The following LIMS2 variants were observed in gnomAD, a reference collection of about 807,000 sequenced individuals.
LIMS2 encodes LIM and senescent cell antigen-like-containing domain protein 2.
LIMS2 carries 30 observed loss-of-function variants against 45.3 expected under a neutral mutation model. The ratio of observed to expected loss-of-function variants is 0.66; its 90% CI spans 0.50 to 0.90. LIMS2 has a LOEUF of 0.90. LIMS2 is among the 40% of genes least tolerant of loss of function. LIMS2 has a pLI of 0.00. For missense variants in LIMS2, 485 were observed against 468.7 expected (o/e 1.03, Z -0.32); for synonymous variants, 173 against 188.0 (o/e 0.92, Z 0.65).
chr2:127,644,138 C>T (rs961033993), intron 4 of LIMS2: 2 of 456,086 alleles, frequency 4.4e-6, no homozygotes, highest in Non-Finnish European at 8.8e-6. Flanking sequence ...GGTGTCTCAT[C>T]ATCAGCTGTG....
intron 4 of LIMS2, chr2:127,645,876 GT>G (rs1278601094): frequency 2.6e-5 from 4 of 152,318 alleles, no homozygotes; most frequent in African/African-American, 9.7e-5. Flanking sequence ...ACGTCCTGTT[GT>G]GTCCCTCAGC....
Position 127,639,224 on chromosome 2 carries a change from T to C in LIMS2, c.*57A>G, listed in dbSNP as rs543774631. On this transcript the variant is annotated 3_prime_UTR_variant, in exon 10 of 10. Transcript: ENST00000355119. ...TGGATGGGGACGAGGGGGCCAAGCA[T>C]GGACAGCAGGAGGGGAGAAGGCGGA... 60 of 1,589,054 alleles carry C rather than the reference T, an allele frequency of 3.8e-5. No homozygotes were observed. The highest frequency in any genetic ancestry group is 3.6e-4 in the East Asian group (16 of 44,500).
At position 127,653,906 on chromosome 2, in the gene LIMS2, C is replaced by A. The variant is rs1189695822; in HGVS notation, c.359+518G>T. Among the ~76,000 whole-genome samples the A allele has an allele frequency of 6.6e-6, 1 of 152,044 alleles. No individual in the cohort carries two copies. Among genetic ancestry groups the A allele is most frequent in the Admixed American group, 6.5e-5 (1 of 15,274 alleles). On this transcript the variant is annotated intron_variant, in intron 4 of 9. Transcript: ENST00000355119. This position sits in a 1 kb window ranked among gnomAD's most constrained non-coding sequence, Gnocchi z 5.3. ...GGAGAAAGTGTGGGGATGAACAGGG[C>A]TCACAGACAGAGGCCGGGCTGCACG...
Position 127,654,835 on chromosome 2 carries a change from G to T in LIMS2, c.233C>A (p.Ser78Tyr), listed in dbSNP as rs181892289. ...FQMLFAPCCG[S>Y]CGEFIIGRVI... ...TGTACTGTCACCGGCCTTACCGCAG[G>T]ATCCACAGCACGGAGCAAACAGCAT... The change falls in exon 3 of 10, where the codon TCC (serine) becomes TAC (tyrosine). Residue 78 changes from serine to tyrosine, a missense_variant. By Grantham distance (144) the Ser-to-Tyr change is moderately radical. Coordinates refer to ENST00000355119, the MANE Select transcript of LIMS2 (RefSeq NM_001161403.3). The T allele has an allele frequency of 3.3e-4, 531 of 1,614,158 alleles. No homozygotes were observed. The highest frequency in any genetic ancestry group is 1.8e-3 in the East Asian group (83 of 44,892).
chr2:127,649,913 C>T (rs1245800177), intron 4 of LIMS2: 9 of 970,754 alleles, frequency 9.3e-6, no homozygotes, highest in South Asian at 1.5e-5. Flanking sequence ...GAGATGCTGC[C>T]CCCTGGTGGT....
At chr2:127,670,972 T>C (rs765795933) in intron 1 of LIMS2, among the ~76,000 whole-genome samples, 2 of 152,236 alleles carry the variant, frequency 1.3e-5, no homozygotes, top group African/African-American at 2.4e-5. Context: ...GACATATGCA[T>C]TCACTCATGG....
At chr2:127,677,026 T>C (rs983440699), upstream of LIMS2, among the ~76,000 whole-genome samples, 53 of 152,172 alleles carry the variant, frequency 3.5e-4, no homozygotes, top group Non-Finnish European at 2.4e-4. The surrounding 1 kb of genome is among the most constrained non-coding windows in gnomAD (Gnocchi z 5.0). Context: ...CAGGACCCTA[T>C]GCAGCTCCCA....
At chr2:127,650,738 G>T in intron 4 of LIMS2, 2 of 1,608,124 alleles carry the variant, frequency 1.2e-6, no homozygotes, top group South Asian at 1.1e-5. Flanking sequence ...GCCAAAGCAT[G>T]AATGGCCTTG....
rs568167788 is a variant in LIMS2 at position 127,664,637 on chromosome 2, G to A, written c.12-7075C>T. The A allele has an allele frequency of 7.1e-4, 783 of 1,095,894 alleles. No homozygotes were observed. The highest frequency in any genetic ancestry group is 2.4e-3 in the Middle Eastern group (6 of 2,506). The allele number at this position is 1,095,894 out of a possible 1,614,324, so 67.9% of individuals were successfully genotyped here. ...GCAGCTCCTGAAAGCTGAGGCTGGC[G>A]GGGGTTGGGTCCCGCTGGGAGGGGA... On this transcript the variant is annotated intron_variant, in intron 1 of 9. Coordinates refer to ENST00000355119, the MANE Select transcript of LIMS2 (RefSeq NM_001161403.3). The surrounding 1 kb of genome is among the most constrained non-coding windows in gnomAD (Gnocchi z 5.5).
chr2:127,649,642 C>T (rs1573787560), intron 4 of LIMS2, among the ~76,000 whole-genome samples: 1 of 152,236 alleles, frequency 6.6e-6, no homozygotes, highest in East Asian at 1.9e-4. Context: ...GACCCTCACT[C>T]TCCTTCTTCA....
At position 127,651,418 on chromosome 2, in the gene LIMS2, G is replaced by A. The variant is rs778865404; in HGVS notation, c.359+3006C>T. The stretch of plus-strand genomic sequence containing the variant: ...CGGCAGGGCCTGCGTGTGGAGAAGC[G>A]CCTCAAGACCAAGGCAGTGCGCATG... On this transcript the variant is annotated intron_variant, in intron 4 of 9. Transcript: ENST00000355119. 7.3e-5 allele frequency: 117 copies of A among 1,612,656 alleles called. No homozygotes were observed. Among genetic ancestry groups the A allele is most frequent in the Middle Eastern group, 3.3e-4 (2 of 6,084 alleles).
chr2:127,673,757 G>A (rs766463765), intron 1 of LIMS2: 79 of 1,550,818 alleles, frequency 5.1e-5, no homozygotes, highest in Non-Finnish European at 6.9e-5. Flanking sequence ...GAAAACAGGA[G>A]AGTGAGAACC....
intron 1 of LIMS2, among the ~76,000 whole-genome samples, chr2:127,665,384 G>A (rs1018824868): frequency 1.5e-4 from 23 of 152,136 alleles, no homozygotes; most frequent in Non-Finnish European, 4.4e-5. Context: ...GGGGCTCACT[G>A]GCATTCAGAT....
chr2:127,670,434 G>A (rs566118330), intron 1 of LIMS2, among the ~76,000 whole-genome samples: 1 of 152,312 alleles, frequency 6.6e-6, no homozygotes, highest in East Asian at 1.9e-4. Flanking sequence ...AGACAAATCT[G>A]TAGAGACAGA....
At chr2:127,648,339 G>A in intron 4 of LIMS2, 1 of 330,492 alleles carries the variant, frequency 3.0e-6, no homozygotes, top group Non-Finnish European at 4.3e-6. Flanking sequence ...TTAGGTAGTT[G>A]CCCTCCCCTT....
Position 127,672,312 on chromosome 2 carries a change from T to C in LIMS2, c.11+2702A>G, listed in dbSNP as rs1685303262. Among the ~76,000 whole-genome samples, 3 of 152,104 alleles carry C rather than the reference T, an allele frequency of 2.0e-5. No homozygotes were observed. Among genetic ancestry groups the C allele is most frequent in the East Asian group, 1.9e-4 (1 of 5,190 alleles). On this transcript the variant is annotated intron_variant, in intron 1 of 9. Coordinates refer to ENST00000355119, the MANE Select transcript of LIMS2 (RefSeq NM_001161403.3). The surrounding 1 kb of genome is among the most constrained non-coding windows in gnomAD (Gnocchi z 4.9). Reference sequence around the variant, plus strand: ...GGTTGTAAGTTGCAAAGTCCCTGAGTTGCTGCTGAGGCCGAGCCCCCTCTC... The same window carrying C: ...GGTTGTAAGTTGCAAAGTCCCTGAGCTGCTGCTGAGGCCGAGCCCCCTCTC...
chr2:127,640,870 C>T, intron 7 of LIMS2, 26 bp downstream of exon 7: 1 of 1,602,904 alleles, frequency 6.2e-7, no homozygotes, highest in East Asian at 2.2e-5. Context: ...AGACCCGCAT[C>T]CCTGAAGGTT....
chr2:127,670,788 C>T (rs1037556668), intron 1 of LIMS2, among the ~76,000 whole-genome samples: 6 of 152,202 alleles, frequency 3.9e-5, no homozygotes, highest in Admixed American at 6.5e-5. Context: ...CAGAGACGGA[C>T]AGAGGCAGAG....
At chr2:127,680,279 T>C (rs976051600), upstream of LIMS2, among the ~76,000 whole-genome samples, 21 of 152,308 alleles carry the variant, frequency 1.4e-4, no homozygotes, top group African/African-American at 5.1e-4. Context: ...AGTAAATGTC[T>C]CTTTTTAAAA....
Sources: allele counts gnomAD v4.1 joint callset (sites outside exome capture counted in the v4.1 genomes callset), GRCh38; gene constraint gnomAD v4.1.1; non-coding constraint Gnocchi (gnomAD v3.1); transcripts MANE v1.5; gene names NCBI Gene and HGNC (gene_info 2026-07-23, HGNC 2026-07-21).